The following GPLD1 variants were observed in gnomAD, a reference collection of about 807,000 sequenced individuals.
GPLD1 encodes the protein phosphatidylinositol-glycan-specific phospholipase D.
Under a neutral mutation model 112.6 loss-of-function variants are expected in GPLD1, and 84 were observed. The observed-to-expected ratio is 0.75, with a 90% CI of 0.63 to 0.89. The LOEUF (loss-of-function observed/expected upper bound fraction) is 0.89. GPLD1 is among the 40% of genes least tolerant of loss of function. The probability of loss-of-function intolerance (pLI) is 0.00; values close to 1 mark genes in which losing one functional copy is unlikely to be tolerated. For synonymous variants in GPLD1, 386 were observed against 403.8 expected, an observed-to-expected ratio of 0.96 and a Z score of 0.53; for missense variants, 1,044 against 1,051.5, an observed-to-expected ratio of 0.99 and a Z score of 0.10.
intron 10 of GPLD1, 76 bp from the exon 11 acceptor site, chr6:24,462,871 C>G: frequency 2.9e-6 from 3 of 1,029,026 alleles, no homozygotes; most frequent in South Asian, 2.5e-5. Context: ...ATCGGTAGTG[C>G]GCTTCAATCA....
chr6:24,430,739 C>T (rs1307920647), intron 24 of GPLD1, among the ~76,000 whole-genome samples: 1 of 152,190 alleles, frequency 6.6e-6, no homozygotes, highest in Admixed American at 6.6e-5. Context: ...CCACTCTGAT[C>T]ATCCTCTGAT....
At chr6:24,436,847 C>T (rs934038425) in intron 21 of GPLD1, 111 bp from the exon 22 acceptor site, 5 of 1,064,210 alleles carry the variant, frequency 4.7e-6, no homozygotes, top group Admixed American at 2.5e-5. Context: ...ATTAGTATCT[C>T]CTTTAGTCGG....
Position 24,483,484 on chromosome 6 carries a change from G to A in GPLD1, c.153+2591C>T, listed in dbSNP as rs941707947. Among the ~76,000 whole-genome samples, 6 of 151,396 alleles carry A rather than the reference G, an allele frequency of 4.0e-5. No individual in the cohort carries two copies. The South Asian group carries it at 1.3e-3, about 32-fold the overall frequency. Reference sequence around the variant, plus strand: ...ACTTGAGGTCAGGAGTTTGAGACCAGCCTGGGAAACATGGTGAAACTGCGA... The same window carrying A: ...ACTTGAGGTCAGGAGTTTGAGACCAACCTGGGAAACATGGTGAAACTGCGA... On this transcript the variant is annotated intron_variant, in intron 2 of 24. Transcript: ENST00000230036.
rs920778303 is a variant in GPLD1 at position 24,489,515 on chromosome 6, C to G, written c.-4G>C. On this transcript the variant is annotated 5_prime_UTR_variant, in exon 1 of 25. Coordinates refer to ENST00000230036, the MANE Select transcript of GPLD1 (RefSeq NM_001503.4). ...GCCACAACCTGAAAGCAGACATGAT[C>G]TCATTGCCCACCGGCTTCTCTGGTG... The G allele has an allele frequency of 1.2e-6, 2 of 1,613,766 alleles. No individual in the cohort carries two copies. Among genetic ancestry groups the G allele is most frequent in the Non-Finnish European group, 8.5e-7 (1 of 1,179,702 alleles).
rs540605846 is a variant in GPLD1 at position 24,425,978 on chromosome 6, A to G, written c.*3054T>C. 1 of 152,346 alleles carries G rather than the reference A, an allele frequency of 6.6e-6. No individual in the cohort carries two copies. Among genetic ancestry groups the G allele is most frequent in the South Asian group, 2.1e-4 (1 of 4,826 alleles). The allele number at this position is 152,346 out of a possible 1,614,324, so 9.4% of individuals were successfully genotyped here. ...CTACAGAGGTGAGCTAATGGATGGT[A>G]CATGGAGTAGGGACTGCAGAGACCC... On this transcript the variant is annotated 3_prime_UTR_variant, in exon 25 of 25. Transcript: ENST00000230036.
At position 24,479,967 on chromosome 6, in the gene GPLD1, G is replaced by C. The variant is rs368622080; in HGVS notation, c.154-8C>G. The C allele has an allele frequency of 6.3e-7, 1 of 1,580,170 alleles. No individual in the cohort carries two copies. The highest frequency in any genetic ancestry group is 1.1e-5 in the South Asian group (1 of 90,462). Reference sequence around the variant, plus strand: ...CTGGTGTTCTAGTAACAGCTGCAGAGCAAGAAAATACAGAGATTAAGGGGC... The same window carrying C: ...CTGGTGTTCTAGTAACAGCTGCAGACCAAGAAAATACAGAGATTAAGGGGC... On this transcript the variant is annotated splice_region_variant and splice_polypyrimidine_tract_variant and intron_variant, in intron 2 of 24. Coordinates refer to ENST00000230036, the MANE Select transcript of GPLD1 (RefSeq NM_001503.4).
chr6:24,468,955 T>C (rs994783024), intron 7 of GPLD1, among the ~76,000 whole-genome samples: 2 of 152,234 alleles, frequency 1.3e-5, no homozygotes, highest in African/African-American at 4.8e-5. Context: ...CCTAAATTGA[T>C]TGAGACTTGT....
Position 24,460,410 on chromosome 6 carries a change from G to T in GPLD1, c.888-11C>A. 1 of 1,613,040 alleles carries T rather than the reference G, an allele frequency of 6.2e-7. No individual in the cohort carries two copies. Among genetic ancestry groups the T allele is most frequent in the African/African-American group, 1.3e-5 (1 of 74,980 alleles). On this transcript the variant is annotated splice_polypyrimidine_tract_variant and intron_variant, in intron 11 of 24. Transcript: ENST00000230036. ...TTCTGCATTTTTGAGCTGTTGAAGA[G>T]AAAGAGGAATAAACTGGTTACGACT... is the stretch of plus-strand genomic sequence containing the variant.
chr6:24,472,042 T>C (rs1418524544), intron 7 of GPLD1, among the ~76,000 whole-genome samples: 1 of 152,122 alleles, frequency 6.6e-6, no homozygotes, highest in Non-Finnish European at 1.5e-5. Flanking sequence ...AATAACTAAG[T>C]GACAAACTGA....
At chr6:24,435,458 G>A (rs150780287) in intron 22 of GPLD1, among the ~76,000 whole-genome samples, 22 of 152,252 alleles carry the variant, frequency 1.4e-4, no homozygotes, top group African/African-American at 4.8e-4. Flanking sequence ...CTGCAGAGTG[G>A]AATTTTAGGT....
intron 20 of GPLD1, among the ~76,000 whole-genome samples, chr6:24,439,882 C>T (rs1762691343): frequency 6.6e-6 from 1 of 152,172 alleles, no homozygotes; most frequent in South Asian, 2.1e-4. Context: ...TGCTTAAACC[C>T]TCTGATTAAG....
At chr6:24,493,526 A>G (rs183714525), upstream of GPLD1, among the ~76,000 whole-genome samples, 1 of 152,204 alleles carries the variant, frequency 6.6e-6, no homozygotes, top group East Asian at 1.9e-4. Context: ...AAAACAAAAC[A>G]AAACAAAAAC....
chr6:24,428,715 G>A lies in GPLD1; in HGVS notation c.*317C>T. The A allele has an allele frequency of 4.5e-6, 1 of 220,878 alleles. No homozygotes were observed. The highest frequency in any genetic ancestry group is 8.8e-6 in the Non-Finnish European group (1 of 113,010). The allele number at this position is 220,878 out of a possible 1,614,324, so 13.7% of individuals were successfully genotyped here. Reference sequence around the variant, plus strand: ...AGAGGAAGAGGAAATAGGTTGTACAGCAGGTCTGACTACAGGCAATAAGTT... The same window carrying A: ...AGAGGAAGAGGAAATAGGTTGTACAACAGGTCTGACTACAGGCAATAAGTT... On this transcript the variant is annotated 3_prime_UTR_variant, in exon 25 of 25. Transcript: ENST00000230036.
At position 24,446,948 on chromosome 6, in the gene GPLD1, C is replaced by T. The variant is rs140517110; in HGVS notation, c.1710G>A (p.Thr570=). Reference sequence around the variant, plus strand: ...AGGAGAAGTCTTCCTCGCCTCTCACCGTCCAGTTGGCTGCCTCCACGTTCA... The same window carrying T: ...AGGAGAAGTCTTCCTCGCCTCTCACTGTCCAGTTGGCTGCCTCCACGTTCA... ...EKLNVEAANW[T]VRGEEDFSWF... is the part of the protein sequence containing the mutation. Residue 570 remains threonine, a synonymous_variant, in exon 18 of 25, where the codon ACG becomes ACA. Transcript: ENST00000230036. 201 of 1,613,530 alleles carry T rather than the reference C, an allele frequency of 1.2e-4. No homozygotes were observed. The African/African-American group carries it at 1.9e-3, about 15-fold the overall frequency.
intron 7 of GPLD1, among the ~76,000 whole-genome samples, chr6:24,470,347 A>G (rs891930236): frequency 6.6e-6 from 1 of 152,192 alleles, no homozygotes; most frequent in African/African-American, 2.4e-5. Context: ...GCCTCACGAT[A>G]AAAAGCTCAA....
intron 15 of GPLD1, among the ~76,000 whole-genome samples, 175 bp from the exon 16 acceptor site, chr6:24,448,383 C>T (rs1762979772): frequency 7.2e-6 from 1 of 138,568 alleles, no homozygotes; most frequent in South Asian, 2.3e-4. Context: ...AGTTCAAGAG[C>T]AGCCTCGAAA....
At chr6:24,492,697 G>C (rs963588084), upstream of GPLD1, among the ~76,000 whole-genome samples, 1 of 151,930 alleles carries the variant, frequency 6.6e-6, no homozygotes, top group Non-Finnish European at 1.5e-5. Context: ...ACCCAGCCAG[G>C]CGCTAGGGGG....
intron 24 of GPLD1, among the ~76,000 whole-genome samples, chr6:24,432,886 A>G (rs1413789040): frequency 6.6e-6 from 1 of 152,202 alleles, no homozygotes; most frequent in African/African-American, 2.4e-5. Flanking sequence ...GTTACAAAAC[A>G]TTCTGTTTTG....
chr6:24,464,916 G>A (rs1411643799), intron 10 of GPLD1, among the ~76,000 whole-genome samples: 1 of 152,174 alleles, frequency 6.6e-6, no homozygotes, highest in Admixed American at 6.5e-5. Context: ...CTCTGGGCCA[G>A]GCATGGTGGC....
Sources: allele counts gnomAD v4.1 joint callset (sites outside exome capture counted in the v4.1 genomes callset), GRCh38; gene constraint gnomAD v4.1.1; transcripts MANE v1.5; gene names NCBI Gene and HGNC (gene_info 2026-07-23, HGNC 2026-07-21).